Variants in BBC3 observed in about 807,000 individuals in gnomAD.
BBC3 encodes BCL2 binding component 3, also known as bcl-2-binding component 3.
BBC3 carries 5 observed loss-of-function variants against 18.2 expected under a neutral mutation model. The ratio of observed to expected loss-of-function variants is 0.27; its 90% CI spans 0.14 to 0.58. The LOEUF (loss-of-function observed/expected upper bound fraction) is 0.58. Among genes scored for constraint, BBC3 ranks in the 20% least tolerant of loss-of-function variants. BBC3 has a pLI of 0.91. For missense variants in BBC3, 224 were observed against 268.9 expected, an observed-to-expected ratio of 0.83 and a Z score of 1.17; for synonymous variants, 119 against 128.0, an observed-to-expected ratio of 0.93 and a Z score of 0.47.
intron 3 of BBC3, 136 bp downstream of exon 3, chr19:47,226,428 T>G (rs996382443): frequency 1.5e-4 from 13 of 86,180 alleles, no homozygotes; most frequent in Non-Finnish European, 2.9e-4. Flanking sequence ...CCCCACCCAC[T>G]TACCCCCCAC....
Position 47,228,109 on chromosome 19 carries a change from C to G in BBC3, c.274+49G>C. 8.3e-7 allele frequency: 1 copy of G among 1,211,908 alleles called. No individual in the cohort carries two copies. The highest frequency in any genetic ancestry group is 1.0e-6 in the Non-Finnish European group (1 of 971,142). 75.1% of individuals were successfully genotyped at this position (1,211,908 alleles called of 1,614,324 possible). ...TCTCCAGTTCCTCCGAGTCTCCAGC[C>G]CTCTCTCTTCCCGGCTCCTATCACC... On this transcript the variant is annotated intron_variant, in intron 2 of 3. Coordinates refer to ENST00000439096, the MANE Select transcript of BBC3 (RefSeq NM_014417.5). This position sits in a 1 kb window ranked among gnomAD's most constrained non-coding sequence, Gnocchi z 5.5.
intron 3 of BBC3, chr19:47,222,149 C>T (rs2058759515): frequency 6.4e-6 from 3 of 469,684 alleles, no homozygotes; most frequent in Admixed American, 4.0e-5. Context: ...GGGCACCAAG[C>T]GAGTGCGTGG....
In BBC3 at chr19:47,228,094, C is replaced by T; in HGVS notation, c.274+64G>A. 3 of 1,179,408 alleles carry T rather than the reference C, an allele frequency of 2.5e-6. No homozygotes were observed. Among genetic ancestry groups the T allele is most frequent in the South Asian group, 8.5e-5 (2 of 23,632 alleles). 73.1% of individuals were successfully genotyped at this position (1,179,408 alleles called of 1,614,324 possible). A position where few individuals can be genotyped will look rare whatever the true frequency, so the allele number is the denominator to read the frequency against. ...CCGTCCTCTCCCACTTCTCCAGTTC[C>T]TCCGAGTCTCCAGCCCTCTCTCTTC... On this transcript the variant is annotated intron_variant, in intron 2 of 3. Coordinates refer to ENST00000439096, the MANE Select transcript of BBC3 (RefSeq NM_014417.5). The surrounding 1 kb of genome is among the most constrained non-coding windows in gnomAD (Gnocchi z 5.5).
In BBC3 at chr19:47,226,736, G is replaced by C; in HGVS notation, c.293C>G (p.Ser98Trp). ...PRPDGPQPSL[S>W]LAEQHLESPV... is the part of the protein sequence containing the mutation. Reference sequence around the variant, plus strand: ...CGACTCCAGGTGCTGCTCCGCCAGCGAGAGCGAGGGCTGAGGACCTTGGAG... The same window carrying C: ...CGACTCCAGGTGCTGCTCCGCCAGCCAGAGCGAGGGCTGAGGACCTTGGAG... The change falls in exon 3 of 4, where the codon TCG (serine) becomes TGG (tryptophan). Residue 98 changes from serine (S) to tryptophan (W), a missense_variant. Transcript: ENST00000439096. 7.1e-7 allele frequency: 1 copy of C among 1,411,048 alleles called. No homozygotes were observed. The highest frequency in any genetic ancestry group is 9.2e-7 in the Non-Finnish European group (1 of 1,087,672). 87.4% of individuals were successfully genotyped at this position (1,411,048 alleles called of 1,614,324 possible).
chr19:47,227,207 GCCACA>G (rs1233862997), intron 2 of BBC3: 1 of 153,618 alleles, frequency 6.5e-6, no homozygotes, highest in African/African-American at 2.4e-5. Context: ...CCACAGGGAA[GCCACA>G]CCTCCGGATG....
chr19:47,226,073 A>G (rs1600241927), intron 3 of BBC3, among the ~76,000 whole-genome samples: 1 of 147,112 alleles, frequency 6.8e-6, no homozygotes, highest in East Asian at 2.0e-4. Context: ...AGGCCGTGCC[A>G]GGGGCTGGGG....
intron 3 of BBC3, chr19:47,222,319 T>A (rs536113406): frequency 6.2e-6 from 1 of 161,442 alleles, no homozygotes; most frequent in Admixed American, 6.4e-5. Flanking sequence ...TCTAGAACAA[T>A]CTGTGGAAGG....
intron 2 of BBC3, among the ~76,000 whole-genome samples, chr19:47,227,895 C>T (rs2123386186): frequency 6.6e-6 from 1 of 152,256 alleles, no homozygotes; most frequent in African/African-American, 2.4e-5. Context: ...CAGCTGTTGC[C>T]CCAGGCCCGG....
chr19:47,221,845 G>A lies in BBC3; in HGVS notation c.539C>T (p.Pro180Leu), dbSNP rs1600232962. 6.2e-7 allele frequency: 1 copy of A among 1,613,776 alleles called. No individual in the cohort carries two copies. The highest frequency in any genetic ancestry group is 1.3e-5 in the African/African-American group (1 of 74,922). Residue 180 changes from proline (P) to leucine (L), a missense_variant, in exon 4 of 4, where the codon CCC (proline) becomes CTC (leucine). Physicochemically the swap from Pro to Leu is moderately conservative, Grantham distance 98. Coordinates refer to ENST00000439096, the MANE Select transcript of BBC3 (RefSeq NM_014417.5). ...VLYNLIMGLLPLPRGHRAPEM... is the reference protein window; with the variant it reads ...VLYNLIMGLLLLPRGHRAPEM... ...GGGGGCTCTGTGGCCCCTGGGTAAG[G>A]GCAGGAGTCCCATGATGAGATTGTA...
In BBC3 at chr19:47,221,622, G is replaced by T; in HGVS notation, c.*180C>A. On this transcript the variant is annotated 3_prime_UTR_variant, in exon 4 of 4. Coordinates refer to ENST00000439096, the MANE Select transcript of BBC3 (RefSeq NM_014417.5). ...GACCCAGGAGTCCGCATCTCCGTCA[G>T]TGCACCCCAGGCTGGGCTGGGGCTG... 1.5e-6 allele frequency: 2 copies of T among 1,310,976 alleles called. No homozygotes were observed. Among genetic ancestry groups the T allele is most frequent in the Non-Finnish European group, 2.1e-6 (2 of 966,664 alleles). 81.2% of individuals were successfully genotyped at this position (1,310,976 alleles called of 1,614,324 possible).
In BBC3 at chr19:47,228,460, G is replaced by A; in HGVS notation, c.-15-14C>T. On this transcript the variant is annotated splice_polypyrimidine_tract_variant and intron_variant, in intron 1 of 3. Coordinates refer to ENST00000439096, the MANE Select transcript of BBC3 (RefSeq NM_014417.5). This position sits in a 1 kb window ranked among gnomAD's most constrained non-coding sequence, Gnocchi z 5.5. ...GCTCCCTGGGGCCTGCGGGACACGG[G>A]AGGAGGAGCAGGTCAGCAGGGAAGT... 8.1e-7 allele frequency: 1 copy of A among 1,231,852 alleles called. No individual in the cohort carries two copies. Among genetic ancestry groups the A allele is most frequent in the African/African-American group, 1.6e-5 (1 of 64,506 alleles). 76.3% of individuals were successfully genotyped at this position (1,231,852 alleles called of 1,614,324 possible). A position where few individuals can be genotyped will look rare whatever the true frequency, so the allele number is the denominator to read the frequency against.
intron 3 of BBC3, among the ~76,000 whole-genome samples, chr19:47,223,022 GC>G (rs1373872096): frequency 2.0e-5 from 3 of 150,204 alleles, no homozygotes; most frequent in African/African-American, 7.4e-5. Flanking sequence ...TGTAATCCCA[GC>G]ACCTTGGGAG....
At position 47,226,550 on chromosome 19, in the gene BBC3, C is replaced by G; in HGVS notation, c.465+14G>C. ...GAAGTCCCACCTGCCGTCTACCCCA[C>G]CCCCAGCACTCACCCGCCGCTCGTA... On this transcript the variant is annotated intron_variant, in intron 3 of 3. Transcript: ENST00000439096. The G allele has an allele frequency of 6.5e-7, 1 of 1,532,380 alleles. No individual in the cohort carries two copies. Among genetic ancestry groups the G allele is most frequent in the Non-Finnish European group, 8.8e-7 (1 of 1,140,504 alleles). The allele number at this position is 1,532,380 out of a possible 1,614,324, so 94.9% of individuals were successfully genotyped here. A position where few individuals can be genotyped will look rare whatever the true frequency, so the allele number is the denominator to read the frequency against.
chr19:47,223,590 T>C (rs551374962), intron 3 of BBC3, among the ~76,000 whole-genome samples: 1 of 152,254 alleles, frequency 6.6e-6, no homozygotes, highest in South Asian at 2.1e-4. Context: ...TTTTTAAGTG[T>C]ACAGAGAGCT....
chr19:47,222,001 G>A (rs1459352331), intron 3 of BBC3, 83 bp from the exon 4 acceptor site: 4 of 1,288,100 alleles, frequency 3.1e-6, no homozygotes, highest in Non-Finnish European at 4.2e-6. Context: ...CAGGGGCAGC[G>A]AGGCGACAGT....
intron 2 of BBC3, chr19:47,227,097 T>A: frequency 5.0e-6 from 1 of 201,836 alleles, no homozygotes. Context: ...GCAGGGAAAC[T>A]GAGGCCCGCC....
In BBC3 at chr19:47,226,671, T is replaced by G. The variant is rs1231942641; in HGVS notation, c.358A>C (p.Thr120Pro). ...CCGCGGACTCCCGGGGCCGCCTGGG[T>G]GGGACCGCCCGCCAGAGCCCCCGGG... ...SAPGALAGGP[T>P]QAAPGVRGEE... The change falls in exon 3 of 4, where the codon ACC (threonine) becomes CCC (proline). Residue 120 changes from threonine (T) to proline (P), a missense_variant. Coordinates refer to ENST00000439096, the MANE Select transcript of BBC3 (RefSeq NM_014417.5). 1 of 1,509,992 alleles carries G rather than the reference T, an allele frequency of 6.6e-7. No individual in the cohort carries two copies. The allele number at this position is 1,509,992 out of a possible 1,614,324, so 93.5% of individuals were successfully genotyped here. A position where few individuals can be genotyped will look rare whatever the true frequency, so the allele number is the denominator to read the frequency against.
In BBC3 at chr19:47,226,582, G is replaced by A. The variant is rs1568623107; in HGVS notation, c.447C>T (p.Asn149=). 1.9e-6 allele frequency: 3 copies of A among 1,580,068 alleles called. No individual in the cohort carries two copies. The highest frequency in any genetic ancestry group is 2.4e-5 in the East Asian group (1 of 41,256). The stretch of plus-strand genomic sequence containing the variant: ...CACTCACCCGCCGCTCGTACTGTGC[G>A]TTGAGGTCGTCCGCCATCCGCCGCA... The part of the protein sequence containing the change: ...AQLRRMADDL[N]AQYERRRQEE... The change falls in exon 3 of 4, where the codon AAC becomes AAT. Residue 149 remains asparagine (N), a synonymous_variant. Coordinates refer to ENST00000439096, the MANE Select transcript of BBC3 (RefSeq NM_014417.5).
intron 3 of BBC3, among the ~76,000 whole-genome samples, chr19:47,226,287 G>GCGGGCCA (rs1300617877): frequency 6.6e-6 from 1 of 151,726 alleles, no homozygotes; most frequent in East Asian, 1.9e-4. Flanking sequence ...CCCCGCGGCC[G>GCGGGCCA]CGGGCCACGG....
Sources: allele counts gnomAD v4.1 joint callset (sites outside exome capture counted in the v4.1 genomes callset), GRCh38; gene constraint gnomAD v4.1.1; non-coding constraint Gnocchi (gnomAD v3.1); transcripts MANE v1.5; gene names NCBI Gene and HGNC (gene_info 2026-07-23, HGNC 2026-07-21).